SLC29A3: variants seen among roughly 807,000 people sequenced by gnomAD.
SLC29A3 encodes solute carrier family 29 member 3.
SLC29A3 carries 18 observed loss-of-function variants against 25.4 expected under a neutral mutation model. The observed-to-expected ratio is 0.71, with a 90% CI of 0.49 to 1.05. SLC29A3 has a LOEUF of 1.05. SLC29A3 is among the 50% of genes least tolerant of loss of function. The pLI, the probability that SLC29A3 is intolerant of heterozygous loss-of-function variation, is 0.00. For missense variants in SLC29A3, 586 were observed against 609.0 expected, an observed-to-expected ratio of 0.96 and a Z score of 0.40; for synonymous variants, 258 against 267.1, an observed-to-expected ratio of 0.97 and a Z score of 0.33.
chr10:71,336,570 G>A (rs1294638396), intron 2 of SLC29A3, among the ~76,000 whole-genome samples: 1 of 151,894 alleles, frequency 6.6e-6, no homozygotes, highest in Non-Finnish European at 1.5e-5. Context: ...CAAAGTTAAA[G>A]TAGTTTTTTT....
chr10:71,354,019 G>C (rs531202943), intron 4 of SLC29A3, among the ~76,000 whole-genome samples: 44 of 152,280 alleles, frequency 2.9e-4, no homozygotes, highest in African/African-American at 9.6e-4. Flanking sequence ...CCCAGTTCTT[G>C]CAAAATGTCT....
chr10:71,324,548 A>G (rs904391428), intron 2 of SLC29A3, among the ~76,000 whole-genome samples: 1 of 152,214 alleles, frequency 6.6e-6, no homozygotes, highest in African/African-American at 2.4e-5. Context: ...TACACAGTCT[A>G]CTGTTAAACA....
At chr10:71,319,347 TC>T in intron 1 of SLC29A3, 37 bp downstream of exon 1, 1 of 630,056 alleles carries the variant, frequency 1.6e-6, no homozygotes, top group South Asian at 1.7e-5. Flanking sequence ...CCGGCTACGG[TC>T]CCGGCCGCCC....
At chr10:71,330,849 A>G (rs906809549) in intron 2 of SLC29A3, among the ~76,000 whole-genome samples, 1 of 150,840 alleles carries the variant, frequency 6.6e-6, no homozygotes, top group East Asian at 1.9e-4. Context: ...TTTTTTTTTC[A>G]TGATCTTTTG....
chr10:71,341,356 C>T (rs1036303000), intron 2 of SLC29A3, among the ~76,000 whole-genome samples: 2 of 152,156 alleles, frequency 1.3e-5, no homozygotes, highest in Non-Finnish European at 2.9e-5. Context: ...CCACTAAGTC[C>T]GTTTCTTGAA....
rs1847086048 is a variant in SLC29A3 at position 71,362,379 on chromosome 10, C to T, written c.1199C>T (p.Pro400Leu). The T allele has an allele frequency of 2.5e-6, 4 of 1,614,030 alleles. No individual in the cohort carries two copies. Among genetic ancestry groups the T allele is most frequent in the African/African-American group, 1.3e-5 (1 of 74,914 alleles). The change falls in exon 6 of 6, where the codon CCC (proline) becomes CTC (leucine). Residue 400 changes from proline (P) to leucine (L), a missense_variant. Transcript: ENST00000373189. ...IPLFVLCNYQ[P>L]RVHLKTVVFQ... ...CTCTTCGTGCTCTGTAACTACCAGCCCCGCGTCCACCTGAAGACTGTGGTC... is the reference window on the plus strand; with the variant it reads ...CTCTTCGTGCTCTGTAACTACCAGCTCCGCGTCCACCTGAAGACTGTGGTC...
At chr10:71,324,509 G>A (rs1845921863) in intron 2 of SLC29A3, among the ~76,000 whole-genome samples, 1 of 152,170 alleles carries the variant, frequency 6.6e-6, no homozygotes, top group Non-Finnish European at 1.5e-5. Context: ...TGGCCCAACA[G>A]AATTCTTGTT....
At chr10:71,350,475 TTAG>T (rs1353903604) in intron 3 of SLC29A3, among the ~76,000 whole-genome samples, 1 of 152,136 alleles carries the variant, frequency 6.6e-6, no homozygotes, top group Non-Finnish European at 1.5e-5. Flanking sequence ...GGTTTAAAGC[TTAG>T]TCTAATCTGA....
intron 3 of SLC29A3, among the ~76,000 whole-genome samples, chr10:71,373,044 C>T (rs1327088738): frequency 2.0e-5 from 3 of 152,120 alleles, no homozygotes. Context: ...GTGAGGGGTG[C>T]GGGGCTGCCT....
chr10:71,319,422 C>T, intron 1 of SLC29A3, 112 bp downstream of exon 1: 1 of 519,412 alleles, frequency 1.9e-6, no homozygotes, highest in Admixed American at 3.9e-5. Context: ...GCCAGGGGAG[C>T]CGCAGGACCC....
At chr10:71,319,651 G>A (rs2131790420) in intron 1 of SLC29A3, 1 of 296,846 alleles carries the variant, frequency 3.4e-6, no homozygotes, top group Middle Eastern at 9.2e-4. Context: ...CGGGGCCTGA[G>A]GCTGGGGCTG....
intron 2 of SLC29A3, among the ~76,000 whole-genome samples, chr10:71,335,519 G>A (rs1846224911): frequency 6.6e-6 from 1 of 152,204 alleles, no homozygotes; most frequent in Non-Finnish European, 1.5e-5. Context: ...CTTGAGCAAA[G>A]GCGTGGAGGG....
chr10:71,377,798 T>A (rs1377053662), intron 4 of SLC29A3, among the ~76,000 whole-genome samples: 2 of 152,240 alleles, frequency 1.3e-5, no homozygotes, highest in Non-Finnish European at 2.9e-5. Context: ...GTTGAGCACT[T>A]ACTGTCGGCC....
rs145313809 is a variant in SLC29A3, at chr10:71,333,417, C to T, written c.300+10363C>T. On this transcript the variant is annotated intron_variant, in intron 2 of 5. Coordinates refer to ENST00000373189, the MANE Select transcript of SLC29A3 (RefSeq NM_018344.6). ...CCTAGAGCAGCCTGTGGTTTCTGCC[C>T]ACATGCACCTCCAAAGAGAAACAGC... Among the ~76,000 whole-genome samples, 390 of 152,374 alleles carry T rather than the reference C, an allele frequency of 2.6e-3. 3 individuals are homozygous for T. The highest frequency in any genetic ancestry group is 8.5e-3 in the African/African-American group (353 of 41,592).
intron 2 of SLC29A3, among the ~76,000 whole-genome samples, chr10:71,339,843 A>G (rs1846350752): frequency 1.3e-5 from 2 of 151,832 alleles, no homozygotes; most frequent in South Asian, 4.2e-4. Flanking sequence ...GAAACCCCCC[A>G]GAGCCCCTCC....
At chr10:71,359,820 A>G (rs1847008812) in intron 5 of SLC29A3, among the ~76,000 whole-genome samples, 1 of 152,152 alleles carries the variant, frequency 6.6e-6, no homozygotes, top group Admixed American at 6.5e-5. Flanking sequence ...ACACCCCTAC[A>G]CCAACTCCCT....
chr10:71,343,731 T>C (rs1357686953), intron 2 of SLC29A3, among the ~76,000 whole-genome samples: 1 of 152,178 alleles, frequency 6.6e-6, no homozygotes, highest in Non-Finnish European at 1.5e-5. Context: ...GAGGATCACT[T>C]GAGCTCAGGA....
chr10:71,355,494 C>T (rs1846878209), intron 4 of SLC29A3, among the ~76,000 whole-genome samples: 1 of 152,172 alleles, frequency 6.6e-6, no homozygotes, highest in Non-Finnish European at 1.5e-5. Context: ...TGCATGGTGC[C>T]ACAGCCGCCT....
intron 3 of SLC29A3, among the ~76,000 whole-genome samples, chr10:71,372,929 A>T (rs1442145781): frequency 6.6e-6 from 1 of 152,072 alleles, no homozygotes; most frequent in Non-Finnish European, 1.5e-5. Context: ...CGGGGGCGAG[A>T]CAGTGAGGCT....
Sources: allele counts gnomAD v4.1 joint callset (sites outside exome capture counted in the v4.1 genomes callset), GRCh38; gene constraint gnomAD v4.1.1; transcripts MANE v1.5; gene names NCBI Gene and HGNC (gene_info 2026-07-23, HGNC 2026-07-21).